ZCWPW2: variants seen among roughly 807,000 people sequenced by gnomAD.
The protein encoded by ZCWPW2 is zinc finger CW-type PWWP domain protein 2.
Under a neutral mutation model 46.6 loss-of-function variants are expected in ZCWPW2, and 45 were observed. The observed-to-expected ratio is 0.96, with a 90% CI of 0.76 to 1.24. The LOEUF is 1.24. Among genes scored for constraint, ZCWPW2 ranks in the 50% most tolerant of loss-of-function variants. The pLI, the probability that ZCWPW2 is intolerant of heterozygous loss-of-function variation, is 0.00. For synonymous variants in ZCWPW2, 152 were observed against 137.1 expected, an observed-to-expected ratio of 1.11 and a Z score of -0.76; for missense variants, 429 against 403.9, an observed-to-expected ratio of 1.06 and a Z score of -0.53.
chr3:28,525,294 C>T lies in ZCWPW2; in HGVS notation c.*606C>T, dbSNP rs562621206. ...GAAGATCAAAATCCTGGACCCTTCC[C>T]TGCTGAATCAGTGTCTTTGGAGGTA... is the stretch of plus-strand genomic sequence containing the variant. On this transcript the variant is annotated 3_prime_UTR_variant, in exon 10 of 10. Transcript: ENST00000383768. 12 of 152,218 alleles carry T rather than the reference C, an allele frequency of 7.9e-5. No homozygotes were observed. The East Asian group carries it at 1.4e-3, about 17-fold the overall frequency. 9.4% of individuals were successfully genotyped at this position (152,218 alleles called of 1,614,324 possible).
At chr3:28,378,582 TG>T (rs1705572859) in intron 1 of ZCWPW2, among the ~76,000 whole-genome samples, 1 of 152,110 alleles carries the variant, frequency 6.6e-6, no homozygotes, top group South Asian at 2.1e-4. Flanking sequence ...TTAACTGACT[TG>T]CCTTAATTTG....
intron 6 of ZCWPW2, among the ~76,000 whole-genome samples, chr3:28,507,215 T>A (rs1332757992): frequency 1.3e-5 from 2 of 152,202 alleles, no homozygotes; most frequent in African/African-American, 4.8e-5. Flanking sequence ...TTCATTTCAG[T>A]CATTGTGGAA....
At chr3:28,390,071 T>C (rs1298913124) in intron 1 of ZCWPW2, among the ~76,000 whole-genome samples, 1 of 152,124 alleles carries the variant, frequency 6.6e-6, no homozygotes, top group Non-Finnish European at 1.5e-5. Context: ...AAAATTAACC[T>C]TTTTTGACAT....
At chr3:28,369,996 A>G (rs566466165) in intron 1 of ZCWPW2, among the ~76,000 whole-genome samples, 1 of 152,286 alleles carries the variant, frequency 6.6e-6, no homozygotes, top group South Asian at 2.1e-4. Context: ...GTTTGCTAAT[A>G]CCGTTGGAAA....
At position 28,468,440 on chromosome 3, in the gene ZCWPW2, A is replaced by G. The variant is rs140973502; in HGVS notation, c.493-10374A>G. ...GAGAATTTCCCAAACATAGAGAAAG[A>G]TATCAGTATCCAAGTATGAGAATAT... On this transcript the variant is annotated intron_variant, in intron 4 of 9. Coordinates refer to ENST00000383768, the MANE Select transcript of ZCWPW2 (RefSeq NM_001040432.4). Among the ~76,000 whole-genome samples the G allele has an allele frequency of 2.8e-3, 422 of 152,312 alleles. 2 individuals are homozygous for G. Among genetic ancestry groups the G allele is most frequent in the African/African-American group, 9.1e-3 (380 of 41,588 alleles).
At chr3:28,447,764 A>G (rs774740193) in intron 4 of ZCWPW2, 73 of 708,310 alleles carry the variant, frequency 1.0e-4, no homozygotes, top group South Asian at 9.7e-4. Context: ...GGTTTCCTAC[A>G]ATACAACCAC....
chr3:28,491,536 G>A (rs150042216), intron 5 of ZCWPW2, among the ~76,000 whole-genome samples: 27 of 152,084 alleles, frequency 1.8e-4, no homozygotes, highest in African/African-American at 6.0e-4. Flanking sequence ...CTTTCTCTGA[G>A]GCACTGTTGG....
At chr3:28,357,158 A>G (rs1424314450) in intron 1 of ZCWPW2, among the ~76,000 whole-genome samples, 1 of 152,226 alleles carries the variant, frequency 6.6e-6, no homozygotes. Context: ...TATAAAAACC[A>G]GGAAGACAAA....
At chr3:28,521,553 G>C (rs1249080521) in intron 9 of ZCWPW2, among the ~76,000 whole-genome samples, 1 of 152,112 alleles carries the variant, frequency 6.6e-6, no homozygotes, top group Non-Finnish European at 1.5e-5. Context: ...TAACATACGG[G>C]AAGTAGAATT....
chr3:28,490,389 A>G (rs1422794209), intron 5 of ZCWPW2, among the ~76,000 whole-genome samples: 4 of 152,134 alleles, frequency 2.6e-5, no homozygotes, highest in Non-Finnish European at 1.5e-5. Flanking sequence ...TTGCAGCACT[A>G]TTTTCAATAG....
chr3:28,453,836 TA>T lies in ZCWPW2; in HGVS notation c.492+18568del, dbSNP rs1181732416. The stretch of plus-strand genomic sequence containing the variant: ...ATTTATTTATTTATTTATTTATTTT[TA>T]TTTTTTTTATTATTATTTTTTTTTT... On this transcript the variant is annotated intron_variant, in intron 4 of 9. Transcript: ENST00000383768. Among the ~76,000 whole-genome samples the T allele has an allele frequency of 7.0e-4, 101 of 143,366 alleles. 1 individual carries two copies. The highest frequency in any genetic ancestry group is 1.5e-3 in the African/African-American group (56 of 36,512). 94.1% of individuals were successfully genotyped at this position (143,366 alleles called of 152,430 possible). A position where few individuals can be genotyped will look rare whatever the true frequency, so the allele number is the denominator to read the frequency against.
intron 3 of ZCWPW2, among the ~76,000 whole-genome samples, chr3:28,422,767 ATGTGTGTGTG>A (rs746623681): frequency 1.3e-5 from 2 of 151,070 alleles, no homozygotes; most frequent in Non-Finnish European, 3.0e-5. Flanking sequence ...TGCTATGAGT[ATGTGTGTGTG>A]TGTGTGTTTT....
In ZCWPW2 at chr3:28,481,287, A is replaced by G. The variant is rs554171955; in HGVS notation, c.610+2356A>G. 1.6e-3 allele frequency among the ~76,000 whole-genome samples: 244 copies of G among 152,238 alleles called. 1 individual carries two copies. Among genetic ancestry groups the G allele is most frequent in the South Asian group, 0.016 (75 of 4,822 alleles). ...TAGATGGAGTCTCGCTCTGTTGCCC[A>G]GGCTGGAGTGCAGTGGCGCGATCTT... On this transcript the variant is annotated intron_variant, in intron 5 of 9. Transcript: ENST00000383768.
Position 28,465,990 on chromosome 3 carries a change from G to A in ZCWPW2, c.493-12824G>A, listed in dbSNP as rs528192793. 2.6e-3 allele frequency among the ~76,000 whole-genome samples: 393 copies of A among 152,274 alleles called. 1 individual carries two copies. Among genetic ancestry groups the A allele is most frequent in the African/African-American group, 8.5e-3 (352 of 41,560 alleles). The stretch of plus-strand genomic sequence containing the variant: ...GTACATAGACACTATGGAATACTAC[G>A]TAGCCATAAAAAGAACAAAATCATG... On this transcript the variant is annotated intron_variant, in intron 4 of 9. Transcript: ENST00000383768.
chr3:28,442,707 C>G (rs746005140), intron 4 of ZCWPW2, among the ~76,000 whole-genome samples: 1 of 152,206 alleles, frequency 6.6e-6, no homozygotes, highest in Non-Finnish European at 1.5e-5. Flanking sequence ...GAAACCACAT[C>G]TGGTATAGCA....
chr3:28,514,202 A>T, intron 7 of ZCWPW2, 80 bp downstream of exon 7: 8 of 911,412 alleles, frequency 8.8e-6, no homozygotes, highest in Non-Finnish European at 1.2e-5. Flanking sequence ...CCCGGCTAAT[A>T]ACCCTAAACA....
intron 2 of ZCWPW2, among the ~76,000 whole-genome samples, chr3:28,397,882 T>A (rs151080000): frequency 6.6e-6 from 1 of 152,314 alleles, no homozygotes; most frequent in Admixed American, 6.5e-5. Flanking sequence ...TTTAATAAAT[T>A]CAGGTGAACT....
At chr3:28,374,005 T>C (rs1211618351) in intron 1 of ZCWPW2, among the ~76,000 whole-genome samples, 1 of 152,172 alleles carries the variant, frequency 6.6e-6, no homozygotes, top group Non-Finnish European at 1.5e-5. Context: ...GTGATCTTAT[T>C]TGTTTATTTT....
rs765460625 is a variant in ZCWPW2 at position 28,376,622 on chromosome 3, C to T, written c.-133-13876C>T. On this transcript the variant is annotated intron_variant, in intron 1 of 9. Transcript: ENST00000383768. ...CAGTGTTTTCACTTCTCTTTGGACACAGGGATTGCTTCATCCTCAGATTTC... is the reference window on the plus strand; with the variant it reads ...CAGTGTTTTCACTTCTCTTTGGACATAGGGATTGCTTCATCCTCAGATTTC... Among the ~76,000 whole-genome samples, 193 of 152,234 alleles carry T rather than the reference C, an allele frequency of 1.3e-3. 1 individual carries two copies. The highest frequency in any genetic ancestry group is 4.1e-3 in the African/African-American group (169 of 41,556).
Sources: allele counts gnomAD v4.1 joint callset (sites outside exome capture counted in the v4.1 genomes callset), GRCh38; gene constraint gnomAD v4.1.1; transcripts MANE v1.5; gene names NCBI Gene and HGNC (gene_info 2026-07-23, HGNC 2026-07-21).